The following PLEKHA7 variants were observed in gnomAD, a reference collection of about 807,000 sequenced individuals.
PLEKHA7 encodes the protein pleckstrin homology domain containing A7.
Under a neutral mutation model 170.0 loss-of-function variants are expected in PLEKHA7, and 104 were observed. That is an observed-to-expected ratio of 0.61 (90% CI 0.52 to 0.72). The LOEUF is 0.72. PLEKHA7 is among the 30% of genes least tolerant of loss of function. The probability of loss-of-function intolerance (pLI) is 0.00; values close to 1 mark genes in which losing one functional copy is unlikely to be tolerated. For missense variants in PLEKHA7, 1,615 were observed against 1,671.7 expected (o/e 0.97, Z 0.59); for synonymous variants, 648 against 660.8 (o/e 0.98, Z 0.30).
chr11:16,921,648 T>C (rs1178842683), intron 3 of PLEKHA7, among the ~76,000 whole-genome samples: 2 of 152,184 alleles, frequency 1.3e-5, no homozygotes, highest in Non-Finnish European at 2.9e-5. Flanking sequence ...CAGCTCAACT[T>C]CTTCATTAAT....
chr11:16,803,148 A>G (rs1848712846), intron 14 of PLEKHA7, 79 bp downstream of exon 14: 4 of 1,567,540 alleles, frequency 2.6e-6, no homozygotes, highest in Non-Finnish European at 3.5e-6. Flanking sequence ...AGAACCATCC[A>G]AGCCCTGCCT....
rs986395754 is a variant in PLEKHA7 at position 16,805,352 on chromosome 11, C to G, written c.2008-2057G>C. 2.4e-4 allele frequency among the ~76,000 whole-genome samples: 37 copies of G among 152,164 alleles called. 1 individual carries two copies. On this transcript the variant is annotated intron_variant, in intron 13 of 26. Transcript: ENST00000531066. Reference sequence around the variant, plus strand: ...AAGAAGCTGAATCCTCTAAATTATACTTTTTGATGGAAAGCTTTCTAAAAG... The same window carrying G: ...AAGAAGCTGAATCCTCTAAATTATAGTTTTTGATGGAAAGCTTTCTAAAAG...
chr11:17,005,419 C>G (rs1446961266), intron 3 of PLEKHA7, among the ~76,000 whole-genome samples: 5 of 152,174 alleles, frequency 3.3e-5, no homozygotes, highest in African/African-American at 1.2e-4. Context: ...GTAATCCCAG[C>G]TACCCAGGAG....
intron 3 of PLEKHA7, among the ~76,000 whole-genome samples, chr11:16,925,487 A>T (rs1300599243): frequency 6.6e-6 from 1 of 152,010 alleles, no homozygotes; most frequent in African/African-American, 2.4e-5. Context: ...CGGCTCGACA[A>T]CCCGCAGACC....
chr11:16,829,447 G>A (rs1173433028), intron 9 of PLEKHA7, among the ~76,000 whole-genome samples: 1 of 152,140 alleles, frequency 6.6e-6, no homozygotes, highest in African/African-American at 2.4e-5. Context: ...TTAACATTCA[G>A]TGGCTCTATA....
intron 4 of PLEKHA7, among the ~76,000 whole-genome samples, chr11:16,865,450 CG>C (rs1251469706): frequency 2.0e-5 from 3 of 152,086 alleles, no homozygotes; most frequent in African/African-American, 7.2e-5. Flanking sequence ...CTAGGCCAGG[CG>C]GGTGGCTCAT....
intron 4 of PLEKHA7, among the ~76,000 whole-genome samples, chr11:16,856,953 C>A (rs1853510110): frequency 6.6e-6 from 1 of 152,156 alleles, no homozygotes. Flanking sequence ...AGAAAATCTG[C>A]TTTGGAGGCC....
rs1847694550 is a variant in PLEKHA7 at position 16,789,639 on chromosome 11, G to A, written c.3156+136C>T. ...CTCCTTGGTGGACAGTGGGTGACAGGGAGCTCAGGAGGGGCTGAGGCCACC... is the reference window on the plus strand; with the variant it reads ...CTCCTTGGTGGACAGTGGGTGACAGAGAGCTCAGGAGGGGCTGAGGCCACC... On this transcript the variant is annotated intron_variant, in intron 22 of 26. Transcript: ENST00000531066. The surrounding 1 kb of genome is among the most constrained non-coding windows in gnomAD (Gnocchi z 4.6). 7.1e-6 allele frequency: 5 copies of A among 705,558 alleles called. No homozygotes were observed. Among genetic ancestry groups the A allele is most frequent in the Non-Finnish European group, 9.4e-6 (4 of 426,190 alleles). The allele number at this position is 705,558 out of a possible 1,614,324, so 43.7% of individuals were successfully genotyped here. A position where few individuals can be genotyped will look rare whatever the true frequency, so the allele number is the denominator to read the frequency against.
At position 16,783,713 on chromosome 11, in the gene PLEKHA7, G is replaced by C; in HGVS notation, c.3637C>G (p.Leu1213Val). 3 of 1,471,342 alleles carry C rather than the reference G, an allele frequency of 2.0e-6. No individual in the cohort carries two copies. Among genetic ancestry groups the C allele is most frequent in the Non-Finnish European group, 2.7e-6 (3 of 1,115,284 alleles). 91.1% of individuals were successfully genotyped at this position (1,471,342 alleles called of 1,614,324 possible). A position where few individuals can be genotyped will look rare whatever the true frequency, so the allele number is the denominator to read the frequency against. The change falls in exon 25 of 27, where the codon CTC becomes GTC. Residue 1213 changes from leucine to valine, a missense_variant. Coordinates refer to ENST00000531066, the MANE Select transcript of PLEKHA7 (RefSeq NM_001329630.2). ...YRKAEKIRNI[L>V]ARSSMCNLQP... Reference sequence around the variant, plus strand: ...GCGAGGGCTGACCTTGACCGGGCGAGGATGTTGCGGATCTTCTCGGCTTTG... The same window carrying C: ...GCGAGGGCTGACCTTGACCGGGCGACGATGTTGCGGATCTTCTCGGCTTTG...
chr11:16,791,297 G>T lies in PLEKHA7; in HGVS notation c.2746-98C>A. On this transcript the variant is annotated intron_variant, in intron 19 of 26. Coordinates refer to ENST00000531066, the MANE Select transcript of PLEKHA7 (RefSeq NM_001329630.2). This position sits in a 1 kb window ranked among gnomAD's most constrained non-coding sequence, Gnocchi z 4.5. ...GTGGAGGTTTAAAGGGTAGGAACAGGCCACATCAGAGCCACAGAACATGAC... is the reference window on the plus strand; with the variant it reads ...GTGGAGGTTTAAAGGGTAGGAACAGTCCACATCAGAGCCACAGAACATGAC... 8.5e-7 allele frequency: 1 copy of T among 1,180,940 alleles called. No homozygotes were observed. The highest frequency in any genetic ancestry group is 1.2e-6 in the Non-Finnish European group (1 of 848,452). The allele number at this position is 1,180,940 out of a possible 1,614,324, so 73.2% of individuals were successfully genotyped here. A position where few individuals can be genotyped will look rare whatever the true frequency, so the allele number is the denominator to read the frequency against.
intron 3 of PLEKHA7, among the ~76,000 whole-genome samples, chr11:16,984,694 T>C (rs1277620474): frequency 6.6e-6 from 1 of 152,210 alleles, no homozygotes; most frequent in Non-Finnish European, 1.5e-5. Context: ...ATTTTAACCA[T>C]TTCGTTTGCT....
rs540348749 is a variant in PLEKHA7 at position 16,918,096 on chromosome 11, T to G, written c.222-46914A>C. On this transcript the variant is annotated intron_variant, in intron 3 of 26. Coordinates refer to ENST00000531066, the MANE Select transcript of PLEKHA7 (RefSeq NM_001329630.2). Reference sequence around the variant, plus strand: ...GTTGATTCTCTGAACTCTGAAAGTATGGATAGATGACTCAATCTCAAGAGT... The same window carrying G: ...GTTGATTCTCTGAACTCTGAAAGTAGGGATAGATGACTCAATCTCAAGAGT... Among the ~76,000 whole-genome samples the G allele has an allele frequency of 3.9e-5, 6 of 152,324 alleles. No homozygotes were observed. The East Asian group carries it at 1.2e-3, about 29-fold the overall frequency.
chr11:16,967,405 T>C (rs1862438391), intron 3 of PLEKHA7, among the ~76,000 whole-genome samples: 1 of 152,130 alleles, frequency 6.6e-6, no homozygotes, highest in South Asian at 2.1e-4. Flanking sequence ...TATAGCAAAA[T>C]AAGCAAAAAT....
At chr11:16,937,141 G>T (rs1362793081) in intron 3 of PLEKHA7, among the ~76,000 whole-genome samples, 1 of 151,186 alleles carries the variant, frequency 6.6e-6, no homozygotes, top group African/African-American at 2.4e-5. Flanking sequence ...GCTTGGAGAT[G>T]GCCACCAAGC....
intron 3 of PLEKHA7, among the ~76,000 whole-genome samples, chr11:16,905,987 G>A (rs1857634589): frequency 8.3e-6 from 1 of 120,196 alleles, no homozygotes; most frequent in Non-Finnish European, 2.1e-5. Context: ...TGGAGTGAGG[G>A]ACAGCTCTTC....
chr11:17,006,683 C>G (rs1865019644), intron 3 of PLEKHA7, among the ~76,000 whole-genome samples: 1 of 150,832 alleles, frequency 6.6e-6, no homozygotes, highest in South Asian at 2.1e-4. Context: ...TGACATTCTA[C>G]AAGATAAATT....
In PLEKHA7 at chr11:16,791,240, A is replaced by G; in HGVS notation, c.2746-41T>C. On this transcript the variant is annotated intron_variant, in intron 19 of 26. Coordinates refer to ENST00000531066, the MANE Select transcript of PLEKHA7 (RefSeq NM_001329630.2). The surrounding 1 kb of genome is among the most constrained non-coding windows in gnomAD (Gnocchi z 4.5). ...ACCAGACCAGTGGTCAGCGAGACGG[A>G]GCTGGAGGGAGGACTGCTAGGTACT... is the stretch of plus-strand genomic sequence containing the variant. 1 of 1,531,344 alleles carries G rather than the reference A, an allele frequency of 6.5e-7. No individual in the cohort carries two copies. The highest frequency in any genetic ancestry group is 1.4e-5 in the African/African-American group (1 of 72,650). 94.9% of individuals were successfully genotyped at this position (1,531,344 alleles called of 1,614,324 possible).
At chr11:16,873,706 G>A (rs185402750) in intron 3 of PLEKHA7, among the ~76,000 whole-genome samples, 12 of 152,174 alleles carry the variant, frequency 7.9e-5, no homozygotes, top group East Asian at 3.9e-4. Flanking sequence ...TCGCTCTGTC[G>A]CCCAGGCTGG....
intron 4 of PLEKHA7, among the ~76,000 whole-genome samples, chr11:16,859,947 C>T (rs537004893): frequency 6.6e-6 from 1 of 152,236 alleles, no homozygotes; most frequent in African/African-American, 2.4e-5. Flanking sequence ...TCTGTGTTAT[C>T]GGAAATCCCA....
Sources: allele counts gnomAD v4.1 joint callset (sites outside exome capture counted in the v4.1 genomes callset), GRCh38; gene constraint gnomAD v4.1.1; non-coding constraint Gnocchi (gnomAD v3.1); transcripts MANE v1.5; gene names NCBI Gene and HGNC (gene_info 2026-07-23, HGNC 2026-07-21).